Variants in KIAA1328 observed in about 807,000 individuals in gnomAD.
The protein encoded by KIAA1328 is KIAA1328, also known as protein hinderin.
In KIAA1328, 52 loss-of-function variants were observed where a neutral mutation model predicts 68.1. That is an observed-to-expected ratio of 0.76 (90% confidence interval 0.61 to 0.96). KIAA1328 has a LOEUF of 0.96. Ranked by LOEUF, KIAA1328 falls within the 40% of genes least tolerant of loss-of-function variation. The pLI is 0.00. For missense variants in KIAA1328, 641 were observed against 677.6 expected (o/e 0.95, Z 0.60); for synonymous variants, 232 against 239.4 (o/e 0.97, Z 0.28).
intron 6 of KIAA1328, among the ~76,000 whole-genome samples, chr18:37,051,334 A>G (rs1020765377): frequency 1.3e-5 from 2 of 152,156 alleles, no homozygotes; most frequent in Non-Finnish European, 2.9e-5. Context: ...AAAAAAGAAG[A>G]TTCAAATAAG....
intron 5 of KIAA1328, among the ~76,000 whole-genome samples, chr18:36,886,563 A>G (rs372745556): frequency 2.9e-4 from 44 of 152,038 alleles, no homozygotes; most frequent in African/African-American, 1.0e-3. Context: ...AAGATAAAGT[A>G]AAAACATATT....
chr18:36,845,432 T>A (rs1021835906), intron 4 of KIAA1328, among the ~76,000 whole-genome samples: 1 of 151,910 alleles, frequency 6.6e-6, no homozygotes, highest in Admixed American at 6.6e-5. Flanking sequence ...AAGCTATTGC[T>A]ATTTGTTTGA....
At chr18:37,133,627 G>A (rs996094863) in intron 7 of KIAA1328, among the ~76,000 whole-genome samples, 4 of 149,116 alleles carry the variant, frequency 2.7e-5, no homozygotes, top group Non-Finnish European at 5.9e-5. Flanking sequence ...CCAGGTTCAC[G>A]CCATTCTCCT....
chr18:36,962,729 A>G (rs182843149), intron 6 of KIAA1328, among the ~76,000 whole-genome samples: 1 of 152,340 alleles, frequency 6.6e-6, no homozygotes, highest in African/African-American at 2.4e-5. Flanking sequence ...CTGGGTAAAT[A>G]ACGAAATGAA....
At chr18:36,975,176 ATTTTTTTTTTTT>A (rs751805080) in intron 6 of KIAA1328, among the ~76,000 whole-genome samples, 1 of 114,942 alleles carries the variant, frequency 8.7e-6, no homozygotes, top group Non-Finnish European at 1.7e-5. Context: ...ACAAGCTACA[ATTTTTTTTTTTT>A]TTTTTTTTTT....
At chr18:36,840,752 T>C (rs368075001) in intron 3 of KIAA1328, among the ~76,000 whole-genome samples, 1 of 152,096 alleles carries the variant, frequency 6.6e-6, no homozygotes, top group African/African-American at 2.4e-5. Flanking sequence ...TGCCCAGCCA[T>C]CTTGTGATTT....
At chr18:37,084,205 A>G in intron 7 of KIAA1328, 16 of 1,526,702 alleles carry the variant, frequency 1.0e-5, no homozygotes, top group South Asian at 2.4e-5. Flanking sequence ...CTCAAACTGG[A>G]TATGAATGGC....
chr18:37,104,670 T>C (rs928941903), intron 7 of KIAA1328, among the ~76,000 whole-genome samples: 10 of 152,324 alleles, frequency 6.6e-5, no homozygotes, highest in Admixed American at 4.6e-4. Context: ...AAAGAAATGA[T>C]AAATATTTGA....
chr18:37,222,288 A>T lies in KIAA1328; in HGVS notation c.*61A>T, dbSNP rs894003640. 35 of 1,539,310 alleles carry T rather than the reference A, an allele frequency of 2.3e-5. No individual in the cohort carries two copies. The highest frequency in any genetic ancestry group is 3.0e-5 in the Non-Finnish European group (34 of 1,141,798). Reference sequence around the variant, plus strand: ...TCCTCACATACTGATCTAGGATTTTAAATTATTTCATTGCAAAGTAATTGT... The same window carrying T: ...TCCTCACATACTGATCTAGGATTTTTAATTATTTCATTGCAAAGTAATTGT... On this transcript the variant is annotated 3_prime_UTR_variant, in exon 10 of 10. Transcript: ENST00000280020.
chr18:36,888,754 T>C (rs751890066), intron 5 of KIAA1328, among the ~76,000 whole-genome samples: 15 of 152,134 alleles, frequency 9.9e-5, no homozygotes, highest in Non-Finnish European at 1.9e-4. Flanking sequence ...CATAAAGCTC[T>C]ATAAAACTTA....
intron 4 of KIAA1328, among the ~76,000 whole-genome samples, chr18:36,851,815 T>G (rs1009649259): frequency 6.9e-6 from 1 of 145,478 alleles, no homozygotes; most frequent in Non-Finnish European, 1.5e-5. Context: ...ATTTTCTTCC[T>G]TTTGCTGGCT....
Position 37,222,800 on chromosome 18 carries a change from C to T in KIAA1328, c.*573C>T, listed in dbSNP as rs976673822. ...CCAATTGTGAGTCAGTCTCAGTAGC[C>T]ATCAGCCTGGCAGCTGCCCATCCCA... On this transcript the variant is annotated 3_prime_UTR_variant, in exon 10 of 10. Coordinates refer to ENST00000280020, the MANE Select transcript of KIAA1328 (RefSeq NM_020776.3). 92 of 991,812 alleles carry T rather than the reference C, an allele frequency of 9.3e-5. No individual in the cohort carries two copies. The highest frequency in any genetic ancestry group is 1.2e-4 in the Admixed American group (2 of 17,254). The allele number at this position is 991,812 out of a possible 1,614,324, so 61.4% of individuals were successfully genotyped here.
At chr18:36,835,972 T>C (rs996097250) in intron 3 of KIAA1328, among the ~76,000 whole-genome samples, 2 of 152,208 alleles carry the variant, frequency 1.3e-5, no homozygotes, top group Non-Finnish European at 2.9e-5. Flanking sequence ...CTGCCTGTTT[T>C]ATAAATAAAG....
Position 37,225,334 on chromosome 18 carries a change from A to T in KIAA1328, c.*3107A>T, listed in dbSNP as rs558179011. 19 of 984,668 alleles carry T rather than the reference A, an allele frequency of 1.9e-5. No individual in the cohort carries two copies. Among genetic ancestry groups the T allele is most frequent in the Non-Finnish European group, 2.3e-5 (19 of 829,236 alleles). 61.0% of individuals were successfully genotyped at this position (984,668 alleles called of 1,614,324 possible). On this transcript the variant is annotated 3_prime_UTR_variant, in exon 10 of 10. Coordinates refer to ENST00000280020, the MANE Select transcript of KIAA1328 (RefSeq NM_020776.3). ...AATCATCTCTATGGCTATTTTCCCC[A>T]TGTGGGTTTGATATTGAATTGTCCC...
At chr18:37,140,496 C>A (rs907339070) in intron 7 of KIAA1328, among the ~76,000 whole-genome samples, 1 of 152,056 alleles carries the variant, frequency 6.6e-6, no homozygotes, top group African/African-American at 2.4e-5. Context: ...AAGAAAAGTT[C>A]AAGGTGCTCT....
At chr18:36,943,824 T>A (rs1267384115) in intron 5 of KIAA1328, among the ~76,000 whole-genome samples, 1 of 152,208 alleles carries the variant, frequency 6.6e-6, no homozygotes, top group Non-Finnish European at 1.5e-5. Flanking sequence ...ATATGCCATT[T>A]TGGATTCACT....
chr18:37,025,268 A>G (rs936711557), intron 6 of KIAA1328, among the ~76,000 whole-genome samples: 3 of 152,154 alleles, frequency 2.0e-5, no homozygotes, highest in African/African-American at 7.2e-5. Flanking sequence ...CCACGCAATA[A>G]TAATGGGAGA....
At chr18:37,186,757 A>G (rs2059810618) in intron 9 of KIAA1328, among the ~76,000 whole-genome samples, 1 of 152,130 alleles carries the variant, frequency 6.6e-6, no homozygotes, top group Non-Finnish European at 1.5e-5. Context: ...AAAGATTCCA[A>G]GTTGGTTTTG....
intron 5 of KIAA1328, among the ~76,000 whole-genome samples, chr18:36,925,574 T>C (rs1463678226): frequency 1.3e-5 from 2 of 152,126 alleles, no homozygotes; most frequent in Non-Finnish European, 2.9e-5. Context: ...TCTCACTCTG[T>C]TGCCCAGCCT....
Sources: gnomAD v4.1 joint callset for allele counts (sites outside exome capture counted in the v4.1 genomes callset) on GRCh38, gnomAD v4.1.1 for gene constraint, MANE v1.5 for transcripts, NCBI Gene and HGNC (gene_info 2026-07-23, HGNC 2026-07-21) for gene names.